The following ELK3 variants were observed in gnomAD, a reference collection of about 807,000 sequenced individuals.
ELK3 encodes the protein ETS transcription factor ELK3.
A neutral mutation model predicts 28.9 loss-of-function variants in ELK3; 10 were observed. The ratio of observed to expected loss-of-function variants is 0.35; its 90% CI spans 0.21 to 0.59. The LOEUF is 0.59. Among genes scored for constraint, ELK3 ranks in the 20% least tolerant of loss-of-function variants. ELK3 has a pLI of 0.82. For synonymous variants in ELK3, 272 were observed against 243.5 expected (o/e 1.12, Z -1.09); for missense variants, 463 against 517.3 (o/e 0.90, Z 1.02).
intron 1 of ELK3, among the ~76,000 whole-genome samples, chr12:96,219,971 G>A (rs1248309192): frequency 6.6e-6 from 1 of 152,158 alleles, no homozygotes; most frequent in East Asian, 1.9e-4. Flanking sequence ...AGAGGCTGGA[G>A]CCCTTAGTCA....
intron 2 of ELK3, among the ~76,000 whole-genome samples, chr12:96,241,424 G>A (rs371074097): frequency 3.7e-5 from 4 of 109,352 alleles, no homozygotes; most frequent in Non-Finnish European, 8.0e-5. Flanking sequence ...ACAGTGGAGC[G>A]TTTGTGTGTG....
chr12:96,265,662 G>A (rs1952024018), intron 4 of ELK3, among the ~76,000 whole-genome samples: 1 of 152,114 alleles, frequency 6.6e-6, no homozygotes. Context: ...CTGGGTGACA[G>A]AGCCAGACCC....
intron 1 of ELK3, among the ~76,000 whole-genome samples, chr12:96,201,474 G>C (rs1021549521): frequency 6.6e-6 from 1 of 151,556 alleles, no homozygotes; most frequent in South Asian, 2.1e-4. Context: ...TTAGCTAGAC[G>C]TGGTGGTGCG....
At chr12:96,201,949 A>G (rs2136999456) in intron 1 of ELK3, among the ~76,000 whole-genome samples, 1 of 152,252 alleles carries the variant, frequency 6.6e-6, no homozygotes. Flanking sequence ...CTAATGACCC[A>G]CAGCCACCTC....
At chr12:96,196,254 A>G (rs1283326546) in intron 1 of ELK3, among the ~76,000 whole-genome samples, 1 of 152,220 alleles carries the variant, frequency 6.6e-6, no homozygotes, top group African/African-American at 2.4e-5. Flanking sequence ...GCAGCCGCCC[A>G]ACGAGCCTTT....
intron 3 of ELK3, among the ~76,000 whole-genome samples, chr12:96,251,412 T>C (rs1951905304): frequency 6.6e-6 from 1 of 152,146 alleles, no homozygotes; most frequent in African/African-American, 2.4e-5. Context: ...ATTAGGCCAA[T>C]TGATAACCCT....
At chr12:96,230,803 G>A (rs1239835141) in intron 2 of ELK3, among the ~76,000 whole-genome samples, 1 of 152,232 alleles carries the variant, frequency 6.6e-6, no homozygotes, top group Non-Finnish European at 1.5e-5. Context: ...ACAGTTGTGC[G>A]GAGTGCACGT....
chr12:96,256,837 G>A (rs957879617), intron 3 of ELK3, among the ~76,000 whole-genome samples: 2 of 152,164 alleles, frequency 1.3e-5, no homozygotes, highest in Non-Finnish European at 2.9e-5. Flanking sequence ...GCAGCGGGCC[G>A]GGGCAGGGGT....
intron 1 of ELK3, chr12:96,212,962 C>T (rs1290508475): frequency 6.6e-6 from 1 of 152,092 alleles, no homozygotes; most frequent in East Asian, 1.9e-4. Context: ...TTAGAGAAAT[C>T]GAGAGCCAAA....
intron 1 of ELK3, among the ~76,000 whole-genome samples, chr12:96,221,090 C>T (rs1275113640): frequency 6.6e-6 from 1 of 152,154 alleles, no homozygotes; most frequent in Non-Finnish European, 1.5e-5. Context: ...CAAATGCAAT[C>T]ACATGGCAAA....
At chr12:96,235,059 TC>T (rs1319137033) in intron 2 of ELK3, among the ~76,000 whole-genome samples, 1 of 152,080 alleles carries the variant, frequency 6.6e-6, no homozygotes, top group Non-Finnish European at 1.5e-5. Flanking sequence ...ACCCCACGCT[TC>T]CAGAAGACGC....
At chr12:96,260,279 T>G (rs1951983352) in intron 4 of ELK3, among the ~76,000 whole-genome samples, 1 of 152,102 alleles carries the variant, frequency 6.6e-6, no homozygotes. Flanking sequence ...ACCCCATCTA[T>G]ATTTAAAATA....
intron 1 of ELK3, among the ~76,000 whole-genome samples, chr12:96,215,400 G>T (rs903671983): frequency 6.6e-5 from 10 of 152,180 alleles, no homozygotes; most frequent in Non-Finnish European, 1.2e-4. Flanking sequence ...CAGCTTCCAA[G>T]AAGAGGCCAG....
chr12:96,260,480 A>G (rs80029143), intron 4 of ELK3, among the ~76,000 whole-genome samples: 4,571 of 152,142 alleles, frequency 0.03, 233 homozygotes, highest in African/African-American at 0.1. Context: ...TTCTGTAATG[A>G]AAAAGGAGAA....
In ELK3 at chr12:96,268,323, C is replaced by T. The variant is rs1952057104; in HGVS notation, c.*1143C>T. 3 of 152,150 alleles carry T rather than the reference C, an allele frequency of 2.0e-5. No individual in the cohort carries two copies. The South Asian group carries it at 6.2e-4, about 32-fold the overall frequency. 9.4% of individuals were successfully genotyped at this position (152,150 alleles called of 1,614,324 possible). The stretch of plus-strand genomic sequence containing the variant: ...CTTGTGGAAACTGAGAGAGGATACA[C>T]TGCTTTATGTATTACTAAAGTTAGG... On this transcript the variant is annotated 3_prime_UTR_variant, in exon 5 of 5. Transcript: ENST00000228741.
At chr12:96,258,040 T>C (rs1951964721) in intron 3 of ELK3, among the ~76,000 whole-genome samples, 1 of 152,208 alleles carries the variant, frequency 6.6e-6, no homozygotes, top group African/African-American at 2.4e-5. Flanking sequence ...TATTTAATCT[T>C]CCCAACAACC....
At chr12:96,222,605 A>T (rs969092633) in intron 1 of ELK3, among the ~76,000 whole-genome samples, 18 of 152,168 alleles carry the variant, frequency 1.2e-4, no homozygotes, top group African/African-American at 4.3e-4. Flanking sequence ...ATACAAAATA[A>T]TCCAGCAAAG....
intron 2 of ELK3, among the ~76,000 whole-genome samples, chr12:96,231,984 C>T (rs949753630): frequency 3.9e-5 from 6 of 152,122 alleles, no homozygotes; most frequent in Admixed American, 1.3e-4. Context: ...ATGCTGGGGT[C>T]TTCTGGGAGA....
rs573517047 is a variant in ELK3 at position 96,208,343 on chromosome 12, C to T, written c.-3+13638C>T. Among the ~76,000 whole-genome samples the T allele has an allele frequency of 2.2e-3, 342 of 152,374 alleles. 2 individuals carry two copies. Among genetic ancestry groups the T allele is most frequent in the African/African-American group, 7.8e-3 (325 of 41,594 alleles). On this transcript the variant is annotated intron_variant, in intron 1 of 4. Coordinates refer to ENST00000228741, the MANE Select transcript of ELK3 (RefSeq NM_005230.4). ...CTGGGATTACAGGCGTTAGCCACTG[C>T]ACCCAGCCAGAGGGCAGGTTTTTTT...
Sources: allele counts gnomAD v4.1 joint callset (sites outside exome capture counted in the v4.1 genomes callset), GRCh38; gene constraint gnomAD v4.1.1; transcripts MANE v1.5; gene names NCBI Gene and HGNC (gene_info 2026-07-23, HGNC 2026-07-21).